Variants in BRCA1 observed in about 807,000 individuals in gnomAD.
The protein encoded by BRCA1 is BRCA1 DNA repair associated.
Under a neutral mutation model 173.7 loss-of-function variants are expected in BRCA1, and 140 were observed. The ratio of observed to expected loss-of-function variants is 0.81; its 90% CI spans 0.70 to 0.93. The LOEUF (loss-of-function observed/expected upper bound fraction) is 0.93, where lower values mean the gene tolerates loss of function less well. Among genes scored for constraint, BRCA1 ranks in the 40% least tolerant of loss-of-function variants. The probability of loss-of-function intolerance (pLI) is 0.00; values close to 1 mark genes in which losing one functional copy is unlikely to be tolerated. For synonymous variants in BRCA1, 662 were observed against 756.0 expected, an observed-to-expected ratio of 0.88 and a Z score of 2.04; for missense variants, 1,983 against 2,172.5, an observed-to-expected ratio of 0.91 and a Z score of 1.73.
At chr17:43,114,210 G>A (rs1038076701) in intron 3 of BRCA1, among the ~76,000 whole-genome samples, 2 of 152,130 alleles carry the variant, frequency 1.3e-5, no homozygotes, top group Admixed American at 6.5e-5. Context: ...TGGGGTTATG[G>A]GCAGGAGCTA....
At chr17:43,072,567 ATT>A (rs75947060) in intron 14 of BRCA1, among the ~76,000 whole-genome samples, 2 of 138,664 alleles carry the variant, frequency 1.4e-5, no homozygotes, top group Non-Finnish European at 3.1e-5. Flanking sequence ...CTTCCAGCTG[ATT>A]TTTTTTTTTT....
chr17:43,062,464 G>C lies in BRCA1; in HGVS notation c.5193+869C>G, dbSNP rs8176262. On this transcript the variant is annotated intron_variant, in intron 18 of 22. Coordinates refer to ENST00000357654, the MANE Select transcript of BRCA1 (RefSeq NM_007294.4). ...TTTCTACAAAGGTATATGCAAGTGG[G>C]CCCACTTCTTGTTCTTATGAATCTT... 7.9e-5 allele frequency among the ~76,000 whole-genome samples: 12 copies of C among 152,210 alleles called. No homozygotes were observed. In the South Asian group the frequency reaches 2.5e-3, roughly 32 times the overall value.
intron 12 of BRCA1, chr17:43,079,179 AAAAAC>A (rs1207247826): frequency 7.1e-6 from 5 of 702,306 alleles, no homozygotes; most frequent in African/African-American, 1.8e-5. Context: ...CATCTCAAAC[AAAAAC>A]AAAACAAAAC....
At position 43,119,205 on chromosome 17, in the gene BRCA1, C is replaced by T. The variant is rs143912779; in HGVS notation, c.81-3426G>A. On this transcript the variant is annotated intron_variant, in intron 2 of 22. Transcript: ENST00000357654. Reference sequence around the variant, plus strand: ...CACAAGGGCCAGGTGCGGTGGCTCACGCTGTAATCCCAGCATTTTGGGAGG... The same window carrying T: ...CACAAGGGCCAGGTGCGGTGGCTCATGCTGTAATCCCAGCATTTTGGGAGG... 9.6e-4 allele frequency: 203 copies of T among 212,124 alleles called. 1 individual carries two copies. The East Asian group carries it at 0.012, about 13-fold the overall frequency. The allele number at this position is 212,124 out of a possible 1,614,324, so 13.1% of individuals were successfully genotyped here. A position where few individuals can be genotyped will look rare whatever the true frequency, so the allele number is the denominator to read the frequency against.
At chr17:43,165,480 A>T (rs1196158410) in intron 1 of BRCA1, among the ~76,000 whole-genome samples, 1 of 29,582 alleles carries the variant, frequency 3.4e-5, no homozygotes, top group Non-Finnish European at 5.9e-5. Flanking sequence ...CCTTGCATAT[A>T]AACTGTTTTT....
intron 12 of BRCA1, chr17:43,079,421 A>G (rs2154108109): frequency 6.3e-7 from 1 of 1,575,556 alleles, no homozygotes; most frequent in Non-Finnish European, 8.6e-7. Flanking sequence ...GTGAAATTGT[A>G]GACATCAAGG....
At chr17:43,045,922 ATTTT>A (rs375078966) in intron 22 of BRCA1, 120 bp from the exon 23 acceptor site, 368 of 950,236 alleles carry the variant, frequency 3.9e-4, no homozygotes, top group Middle Eastern at 5.6e-4. Context: ...GTAGAAGCTA[ATTTT>A]TTTTTTTTTT....
rs757781708 is a variant in BRCA1 at position 43,095,923 on chromosome 17, C to A, written c.594-1G>T. ...TTGTAACAATTCTTGATCTCCCACACTATAGGGAAAAGACAGAGTCCTAAT... is the reference window on the plus strand; with the variant it reads ...TTGTAACAATTCTTGATCTCCCACAATATAGGGAAAAGACAGAGTCCTAAT... On this transcript the variant is annotated splice_acceptor_variant, in intron 8 of 22. Transcript: ENST00000357654. LOFTEE classifies it high-confidence loss of function. 1 of 1,610,474 alleles carries A rather than the reference C, an allele frequency of 6.2e-7. No homozygotes were observed. The highest frequency in any genetic ancestry group is 1.1e-5 in the South Asian group (1 of 90,830).
intron 16 of BRCA1, among the ~76,000 whole-genome samples, chr17:43,066,877 G>C (rs1387619197): frequency 6.8e-6 from 1 of 147,182 alleles, no homozygotes; most frequent in Non-Finnish European, 1.5e-5. Context: ...GAGTGCAATG[G>C]TGCGATCTTG....
chr17:43,130,832 T>C (rs1160692071), intron 1 of BRCA1, among the ~76,000 whole-genome samples: 2 of 152,220 alleles, frequency 1.3e-5, no homozygotes, highest in African/African-American at 4.8e-5. Context: ...CTTCCCATTT[T>C]TTGTGCTCAC....
At chr17:43,140,788 G>A (rs1235656513) in intron 1 of BRCA1, among the ~76,000 whole-genome samples, 4 of 152,116 alleles carry the variant, frequency 2.6e-5, no homozygotes, top group Admixed American at 2.0e-4. Flanking sequence ...CTTTCCCAGC[G>A]CCAGGCACAA....
At chr17:43,056,969 T>C in intron 19 of BRCA1, 83 bp downstream of exon 19, 1 of 1,283,218 alleles carries the variant, frequency 7.8e-7, no homozygotes, top group South Asian at 1.2e-5. Flanking sequence ...TCTTACAAAA[T>C]GAAGCGGCCC....
chr17:43,123,598 T>G (rs758010867), intron 2 of BRCA1, among the ~76,000 whole-genome samples: 1 of 152,176 alleles, frequency 6.6e-6, no homozygotes, highest in Non-Finnish European at 1.5e-5. Context: ...TCCTACCACC[T>G]TGGCCTCCCA....
intron 22 of BRCA1, among the ~76,000 whole-genome samples, chr17:43,046,854 T>C (rs1226443922): frequency 6.6e-6 from 1 of 151,900 alleles, no homozygotes; most frequent in Non-Finnish European, 1.5e-5. Context: ...CCACAGCCTC[T>C]GGCAACTGTA....
chr17:43,044,720 ATCT>A lies in BRCA1; in HGVS notation c.*955_*957del, dbSNP rs1251617968. 4.0e-6 allele frequency: 2 copies of A among 505,730 alleles called. No homozygotes were observed. Among genetic ancestry groups the A allele is most frequent in the East Asian group, 4.4e-5 (1 of 22,494 alleles). The allele number at this position is 505,730 out of a possible 1,614,324, so 31.3% of individuals were successfully genotyped here. On this transcript the variant is annotated 3_prime_UTR_variant, in exon 23 of 23. Coordinates refer to ENST00000357654, the MANE Select transcript of BRCA1 (RefSeq NM_007294.4). Reference sequence around the variant, plus strand: ...TGTCTTTGGAAACCGGTTCTTGAAAATCTTCTGCTGTTTTAGAACACATTCTTT... The same window carrying A: ...TGTCTTTGGAAACCGGTTCTTGAAAATCTGCTGTTTTAGAACACATTCTTT...
At position 43,044,303 on chromosome 17, in the gene BRCA1, T is replaced by C. The variant is rs1372139113; in HGVS notation, c.*1375A>G. On this transcript the variant is annotated 3_prime_UTR_variant, in exon 23 of 23. Transcript: ENST00000357654. ...AGAACAGTCATTCATGGTGGAAGTG[T>C]TTGCTACCAAGTTTATTTGCAGTGT... 1 of 472,490 alleles carries C rather than the reference T, an allele frequency of 2.1e-6. No homozygotes were observed. The highest frequency in any genetic ancestry group is 4.9e-5 in the East Asian group (1 of 20,614). 29.3% of individuals were successfully genotyped at this position (472,490 alleles called of 1,614,324 possible).
Position 43,099,834 on chromosome 17 carries a change from C to G in BRCA1, c.488G>C (p.Arg163Thr), listed in dbSNP as rs1369043501. The stretch of plus-strand genomic sequence containing the variant: ...TATCCGCTGCTTTGTCCTCAGAGTT[C>G]TCACAGTTCCAAGGTTAGAGAGTTG... ...SVQLSNLGTV[R>T]TLRTKQRIQP... The change falls in exon 7 of 23, where the codon AGA becomes ACA. Residue 163 changes from arginine to threonine, a missense_variant. Physicochemically the swap from Arg to Thr is moderately conservative, Grantham distance 71 (BLOSUM62 -1). Coordinates refer to ENST00000357654, the MANE Select transcript of BRCA1 (RefSeq NM_007294.4). 2.5e-6 allele frequency: 4 copies of G among 1,613,862 alleles called. No individual in the cohort carries two copies. Among genetic ancestry groups the G allele is most frequent in the Admixed American group, 1.7e-5 (1 of 60,016 alleles).
intron 1 of BRCA1, among the ~76,000 whole-genome samples, chr17:43,135,143 G>A (rs555701365): frequency 4.7e-4 from 72 of 152,254 alleles, no homozygotes; most frequent in Non-Finnish European, 8.4e-4. Flanking sequence ...CCTAACCCAC[G>A]CCTGAAGACG....
intron 16 of BRCA1, among the ~76,000 whole-genome samples, chr17:43,065,464 T>C (rs1866195351): frequency 6.6e-6 from 1 of 151,666 alleles, no homozygotes; most frequent in South Asian, 2.1e-4. Flanking sequence ...AGGTCGGGAG[T>C]CCAAGACCAG....
Sources: allele counts gnomAD v4.1 joint callset (sites outside exome capture counted in the v4.1 genomes callset), GRCh38; gene constraint gnomAD v4.1.1; transcripts MANE v1.5; gene names NCBI Gene and HGNC (gene_info 2026-07-23, HGNC 2026-07-21).